The following OR6N1 variants were observed in gnomAD, a reference collection of about 807,000 sequenced individuals.
OR6N1 encodes the protein olfactory receptor 6N1.
For missense variants in OR6N1, 394 were observed against 371.7 expected (o/e 1.06, Z -0.49); for synonymous variants, 170 against 150.7 (o/e 1.13, Z -0.94).
the OR6N1 span, among the ~76,000 whole-genome samples, chr1:158,834,669 A>G: frequency 1.6e-4 from 25 of 152,256 alleles, no homozygotes; most frequent in East Asian, 4.8e-3. Flanking sequence ...TGCCTGTGCC[A>G]TCGGTGTCAT....
upstream of OR6N1, among the ~76,000 whole-genome samples, chr1:158,772,952 TA>T: frequency 6.6e-6 from 1 of 152,320 alleles, no homozygotes; most frequent in South Asian, 2.1e-4. Flanking sequence ...ATCACATATA[TA>T]ATTATTTGTC....
chr1:158,816,066 G>A, the OR6N1 span, among the ~76,000 whole-genome samples: 2 of 151,774 alleles, frequency 1.3e-5, no homozygotes, highest in Non-Finnish European at 2.9e-5. Context: ...GCTGAGGCAG[G>A]AGAATGGTGT....
upstream of OR6N1, chr1:158,774,249 A>C (rs1431339803): frequency 6.6e-6 from 1 of 152,214 alleles, no homozygotes; most frequent in Non-Finnish European, 1.5e-5. Flanking sequence ...TATTTTACAA[A>C]AATATATGAT....
chr1:158,836,140 G>GT, the OR6N1 span, among the ~76,000 whole-genome samples: 3 of 133,598 alleles, frequency 2.2e-5, no homozygotes, highest in Non-Finnish European at 4.9e-5. Flanking sequence ...CTAGCATTTT[G>GT]TAAAAAAAAA....
the OR6N1 span, among the ~76,000 whole-genome samples, chr1:158,797,940 C>T: frequency 6.6e-6 from 1 of 151,968 alleles, no homozygotes; most frequent in Non-Finnish European, 1.5e-5. Flanking sequence ...TTTTTAACTT[C>T]TAATTTAATA....
the OR6N1 span, among the ~76,000 whole-genome samples, chr1:158,784,880 T>C: frequency 6.6e-6 from 1 of 152,200 alleles, no homozygotes; most frequent in Non-Finnish European, 1.5e-5. Context: ...ACCTCACTAT[T>C]GGCTATATAT....
chr1:158,765,592 C>T lies in OR6N1; in HGVS notation c.*152G>A, dbSNP rs544967973. On this transcript the variant is annotated 3_prime_UTR_variant, in exon 2 of 2. Transcript: ENST00000641846. ...TGGCTCCAGCAGACAGTATGAAGGTCGCTATAACACTGGAAGTCAGTCAGC... is the reference window on the plus strand; with the variant it reads ...TGGCTCCAGCAGACAGTATGAAGGTTGCTATAACACTGGAAGTCAGTCAGC... The T allele has an allele frequency of 1.2e-4, 80 of 650,964 alleles. 2 individuals are homozygous for T. Among genetic ancestry groups the T allele is most frequent in the East Asian group, 6.9e-4 (26 of 37,860 alleles). 40.3% of individuals were successfully genotyped at this position (650,964 alleles called of 1,614,324 possible). A position where few individuals can be genotyped will look rare whatever the true frequency, so the allele number is the denominator to read the frequency against.
chr1:158,784,078 C>G, the OR6N1 span, among the ~76,000 whole-genome samples: 1 of 152,096 alleles, frequency 6.6e-6, no homozygotes, highest in Non-Finnish European at 1.5e-5. Flanking sequence ...TGCACTGCAG[C>G]CTGGGCGACG....
the OR6N1 span, among the ~76,000 whole-genome samples, chr1:158,806,094 G>A: frequency 6.6e-6 from 1 of 152,300 alleles, no homozygotes; most frequent in East Asian, 1.9e-4. Context: ...AGGGAAAAAA[G>A]AGTTTCTGTT....
intron 1 of OR6N1, among the ~76,000 whole-genome samples, chr1:158,770,447 A>G (rs1657396093): frequency 6.6e-6 from 1 of 152,140 alleles, no homozygotes; most frequent in African/African-American, 2.4e-5. Context: ...TAAGATGGCA[A>G]AAAATACTGA....
the OR6N1 span, among the ~76,000 whole-genome samples, chr1:158,793,757 G>A: frequency 1.8e-4 from 28 of 152,230 alleles, no homozygotes; most frequent in Non-Finnish European, 4.0e-4. Flanking sequence ...TAGGCTTCAG[G>A]CCAGTAGGAG....
At chr1:158,813,856 G>T in the OR6N1 span, among the ~76,000 whole-genome samples, 2 of 151,536 alleles carry the variant, frequency 1.3e-5, no homozygotes, top group Non-Finnish European at 2.9e-5. Context: ...CTCCATGCCC[G>T]GTTGATTTTT....
At chr1:158,801,368 C>T in the OR6N1 span, among the ~76,000 whole-genome samples, 1 of 151,954 alleles carries the variant, frequency 6.6e-6, no homozygotes, top group Non-Finnish European at 1.5e-5. Context: ...AAGAAATGTC[C>T]CATCTGTCAA....
the OR6N1 span, among the ~76,000 whole-genome samples, chr1:158,839,172 T>A: frequency 2.0e-5 from 3 of 152,126 alleles, no homozygotes; most frequent in African/African-American, 7.2e-5. Flanking sequence ...ACTGGACATT[T>A]GTAAAAACAG....
At chr1:158,803,192 G>A in the OR6N1 span, among the ~76,000 whole-genome samples, 1 of 152,160 alleles carries the variant, frequency 6.6e-6, no homozygotes, top group Non-Finnish European at 1.5e-5. Flanking sequence ...AAGCTTTCCT[G>A]TAGGAGACGG....
At chr1:158,800,564 T>A in the OR6N1 span, among the ~76,000 whole-genome samples, 7 of 152,166 alleles carry the variant, frequency 4.6e-5, no homozygotes, top group Non-Finnish European at 1.0e-4. Flanking sequence ...ATTTAATAGG[T>A]GGGGACCCCA....
chr1:158,787,635 T>TCTCTCTCACACACACACACA, the OR6N1 span, among the ~76,000 whole-genome samples: 3,231 of 133,504 alleles, frequency 0.024, 49 homozygotes, highest in East Asian at 0.037. Flanking sequence ...TCTCTCTCTC[T>TCTCTCTCACACACACACACA]CACACACACA....
the OR6N1 span, chr1:158,777,670 T>A: frequency 7.1e-7 from 1 of 1,410,178 alleles, no homozygotes; most frequent in East Asian, 2.3e-5. Context: ...GAAGAAAACA[T>A]TGGATTGAGA....
chr1:158,777,056 C>G (rs754460122), upstream of OR6N1: 1 of 1,613,928 alleles, frequency 6.2e-7, no homozygotes, highest in Non-Finnish European at 8.5e-7. Context: ...AGAATGTTAG[C>G]AGATGTGTCC....
Sources: allele counts gnomAD v4.1 joint callset (sites outside exome capture counted in the v4.1 genomes callset), GRCh38; gene constraint gnomAD v4.1.1; transcripts MANE v1.5; gene names NCBI Gene and HGNC (gene_info 2026-07-23, HGNC 2026-07-21).